Variants in EPM2A observed in about 807,000 individuals in gnomAD.
EPM2A encodes EPM2A glucan phosphatase, laforin.
Under a neutral mutation model 26.5 loss-of-function variants are expected in EPM2A, and 21 were observed. The ratio of observed to expected loss-of-function variants is 0.79; its 90% CI spans 0.56 to 1.14. EPM2A has a LOEUF of 1.14. EPM2A is among the 50% of genes most tolerant of loss of function. The probability of loss-of-function intolerance (pLI) is 0.00; values close to 1 mark genes in which losing one functional copy is unlikely to be tolerated. For synonymous variants in EPM2A, 217 were observed against 177.6 expected (o/e 1.22, Z -1.76); for missense variants, 458 against 440.8 (o/e 1.04, Z -0.35).
intron 3 of EPM2A, chr6:145,627,952 C>A: frequency 1.9e-6 from 1 of 523,206 alleles, no homozygotes; most frequent in Admixed American, 3.5e-5. Context: ...TGGGTGACTT[C>A]GCCATCCATG....
chr6:145,597,471 T>TA (rs1274894684), intron 2 of EPM2A, among the ~76,000 whole-genome samples: 55 of 149,342 alleles, frequency 3.7e-4, no homozygotes, highest in Non-Finnish European at 4.4e-4. Flanking sequence ...CTGTTTATTT[T>TA]TTTTTCTTTT....
intron 1 of EPM2A, among the ~76,000 whole-genome samples, chr6:145,712,976 G>C (rs2128633016): frequency 6.6e-6 from 1 of 152,270 alleles, no homozygotes; most frequent in East Asian, 1.9e-4. Flanking sequence ...CAGTTCTTTA[G>C]GGATAGACTA....
chr6:145,700,399 T>C (rs1781845413), intron 1 of EPM2A, among the ~76,000 whole-genome samples: 1 of 152,130 alleles, frequency 6.6e-6, no homozygotes, highest in Admixed American at 6.6e-5. Flanking sequence ...CTCTCAGAAT[T>C]AACTAGAAAT....
intron 4 of EPM2A, among the ~76,000 whole-genome samples, chr6:145,415,768 T>C (rs547194571): frequency 3.9e-5 from 6 of 152,320 alleles, no homozygotes; most frequent in African/African-American, 1.2e-4. Context: ...GAAACTGTAA[T>C]AGCTCCTCTG....
At chr6:145,597,988 G>T (rs1276872441) in intron 2 of EPM2A, among the ~76,000 whole-genome samples, 3 of 152,118 alleles carry the variant, frequency 2.0e-5, no homozygotes, top group Non-Finnish European at 1.5e-5. Flanking sequence ...TGGGCAGTTA[G>T]GTTGATTCCA....
intron 1 of EPM2A, among the ~76,000 whole-genome samples, chr6:145,715,842 C>T (rs1181507785): frequency 6.6e-6 from 1 of 152,160 alleles, no homozygotes; most frequent in Non-Finnish European, 1.5e-5. Flanking sequence ...GGAAAACAAG[C>T]TCAGGACTCC....
chr6:145,503,391 A>G (rs1161620321), intron 2 of EPM2A, among the ~76,000 whole-genome samples: 1 of 137,306 alleles, frequency 7.3e-6, no homozygotes, highest in African/African-American at 2.9e-5. Context: ...CAACTTCAGC[A>G]AAGTCTCAGG....
intron 2 of EPM2A, chr6:145,637,472 T>A (rs1185358768): frequency 3.5e-5 from 5 of 141,988 alleles, no homozygotes; most frequent in African/African-American, 1.3e-4. Flanking sequence ...GAAGAACAAC[T>A]TTTTTTTTTT....
intron 4 of EPM2A, among the ~76,000 whole-genome samples, chr6:145,389,552 G>C (rs560396135): frequency 2.0e-5 from 3 of 152,152 alleles, no homozygotes; most frequent in African/African-American, 7.2e-5. Context: ...CTTTTGCCTC[G>C]TGAATGTAAG....
At chr6:145,483,153 A>C (rs1582790146) in intron 4 of EPM2A, among the ~76,000 whole-genome samples, 1 of 132,604 alleles carries the variant, frequency 7.5e-6, no homozygotes, top group African/African-American at 2.5e-5. Context: ...AAATCAAAAC[A>C]GTGTCTTTTA....
In EPM2A at chr6:145,735,200, T is replaced by A. The variant is rs1384859457; in HGVS notation, c.299A>T (p.Glu100Val). 1.3e-6 allele frequency: 2 copies of A among 1,517,820 alleles called. No individual in the cohort carries two copies. Among genetic ancestry groups the A allele is most frequent in the South Asian group, 2.4e-5 (2 of 81,866 alleles). 94.0% of individuals were successfully genotyped at this position (1,517,820 alleles called of 1,614,324 possible). ...GGGCAGGCGTCTGCTGGCAATACCT[T>A]CCCAGGAGAGCTCTCCTCCCGGCTC... ...KREPGGELSW[E>V]GNGPHHDRCC... The change falls in exon 1 of 4, where the codon GAA becomes GTA. Residue 100 changes from glutamate (E) to valine (V), a missense_variant and splice_region_variant. By Grantham distance (121) the Glu-to-Val change is moderately radical. Coordinates refer to ENST00000367519, the MANE Select transcript of EPM2A (RefSeq NM_005670.4).
At chr6:145,434,031 A>G (rs1314414230) in intron 4 of EPM2A, among the ~76,000 whole-genome samples, 1 of 151,956 alleles carries the variant, frequency 6.6e-6, no homozygotes, top group Admixed American at 6.6e-5. Context: ...TTTAAAAAAA[A>G]TCTTTATTTT....
rs573308932 is a variant in EPM2A at position 145,716,390 on chromosome 6, G to A, written c.301+18808C>T. Among the ~76,000 whole-genome samples the A allele has an allele frequency of 2.5e-3, 379 of 152,226 alleles. 5 individuals carry two copies. Among genetic ancestry groups the A allele is most frequent in the Non-Finnish European group, 3.9e-3 (267 of 68,014 alleles). ...GTCTGTGATTTAAAAAGCTCCCAAG[G>A]TGATCCTAATGCATTCCAGGACAGG... On this transcript the variant is annotated intron_variant, in intron 1 of 3. Coordinates refer to ENST00000367519, the MANE Select transcript of EPM2A (RefSeq NM_005670.4).
At chr6:145,548,031 C>T (rs1420921954) in intron 2 of EPM2A, among the ~76,000 whole-genome samples, 2 of 152,036 alleles carry the variant, frequency 1.3e-5, no homozygotes, top group Non-Finnish European at 2.9e-5. Flanking sequence ...ATTGTGTCCC[C>T]TCAGGCCTTT....
chr6:145,547,838 C>A (rs548401759), intron 2 of EPM2A, among the ~76,000 whole-genome samples: 3 of 152,050 alleles, frequency 2.0e-5, no homozygotes. Flanking sequence ...ACAGACACTA[C>A]CTTGGGTCAT....
At position 145,577,454 on chromosome 6, in the gene EPM2A, A is replaced by G. The variant is rs868604994; in HGVS notation, c.340+57791T>C. Among the ~76,000 whole-genome samples, 8 of 152,180 alleles carry G rather than the reference A, an allele frequency of 5.3e-5. No individual in the cohort carries two copies. In the South Asian group the frequency reaches 1.2e-3, roughly 24 times the overall value. On this transcript the variant is annotated intron_variant, in intron 2 of 3. Transcript: ENST00000450221. ...AAACTATGAAAAGAGACAAAAAAGT[A>G]ATTATACAATGATAAATGGGCCAAC...
intron 2 of EPM2A, among the ~76,000 whole-genome samples, chr6:145,534,050 T>A (rs1001006440): frequency 6.6e-6 from 1 of 151,146 alleles, no homozygotes; most frequent in African/African-American, 2.4e-5. Flanking sequence ...AACTATAAAA[T>A]TTGTTATGGT....
chr6:145,644,838 GTCC>G lies in EPM2A; in HGVS notation c.477-9355_477-9353del, dbSNP rs764441744. On this transcript the variant is annotated intron_variant, in intron 2 of 3. Coordinates refer to ENST00000367519, the MANE Select transcript of EPM2A (RefSeq NM_005670.4). ...GGATGTGAAAATCAGAAAGGCCTCT[GTCC>G]TCCTTAAATTACCCAAGGATCCTGA... 8.1e-4 allele frequency among the ~76,000 whole-genome samples: 123 copies of G among 152,200 alleles called. 1 individual carries two copies. The highest frequency in any genetic ancestry group is 1.4e-3 in the Admixed American group (21 of 15,286).
intron 2 of EPM2A, among the ~76,000 whole-genome samples, chr6:145,567,363 C>T (rs1270170090): frequency 6.6e-6 from 1 of 152,220 alleles, no homozygotes; most frequent in Non-Finnish European, 1.5e-5. Context: ...TACTGCCACA[C>T]ACAAGCCTCA....
Sources: allele counts gnomAD v4.1 joint callset (sites outside exome capture counted in the v4.1 genomes callset), GRCh38; gene constraint gnomAD v4.1.1; transcripts MANE v1.5; gene names NCBI Gene and HGNC (gene_info 2026-07-23, HGNC 2026-07-21).